The following CFTR variants were observed in gnomAD, a reference collection of about 807,000 sequenced individuals.
CFTR encodes cystic fibrosis transmembrane conductance regulator.
CFTR carries 181 observed loss-of-function variants against 171.6 expected under a neutral mutation model. That is an observed-to-expected ratio of 1.05 (90% confidence interval 0.93 to 1.19). The LOEUF (loss-of-function observed/expected upper bound fraction) is 1.19. Among genes scored for constraint, CFTR ranks in the 50% most tolerant of loss-of-function variants. CFTR has a pLI of 0.00. For missense variants in CFTR, 1,968 were observed against 1,734.7 expected (o/e 1.13, Z -2.39); for synonymous variants, 583 against 608.0 (o/e 0.96, Z 0.60).
intron 21 of CFTR, among the ~76,000 whole-genome samples, chr7:117,619,426 A>G (rs1050365908): frequency 1.3e-5 from 2 of 152,240 alleles, no homozygotes; most frequent in African/African-American, 4.8e-5. Context: ...ATTGTTGGAA[A>G]GAAGCCATTG....
intron 3 of CFTR, among the ~76,000 whole-genome samples, chr7:117,518,044 T>A (rs1273568027): frequency 6.7e-6 from 1 of 150,148 alleles, no homozygotes; most frequent in Non-Finnish European, 1.5e-5. Flanking sequence ...GGATAGAACA[T>A]GTTTTATAGA....
At chr7:117,506,565 T>C (rs749971730) in intron 2 of CFTR, among the ~76,000 whole-genome samples, 1 of 152,122 alleles carries the variant, frequency 6.6e-6, no homozygotes, top group Non-Finnish European at 1.5e-5. Context: ...TAAGTTTTAA[T>C]TGGATGCTGA....
chr7:117,578,341 C>G (rs1318586805), intron 11 of CFTR, among the ~76,000 whole-genome samples: 1 of 152,044 alleles, frequency 6.6e-6, no homozygotes, highest in East Asian at 1.9e-4. Context: ...ATTTCTTTTT[C>G]CCCATGGTTT....
At chr7:117,646,232 T>G (rs569906628) in intron 23 of CFTR, among the ~76,000 whole-genome samples, 2 of 152,170 alleles carry the variant, frequency 1.3e-5, no homozygotes, top group East Asian at 3.8e-4. Context: ...TACAATATGC[T>G]GTGCTGTGGT....
At chr7:117,595,134 T>A in intron 15 of CFTR, 76 bp downstream of exon 15, 1 of 1,173,812 alleles carries the variant, frequency 8.5e-7, no homozygotes, top group Non-Finnish European at 1.2e-6. Context: ...TACATATATA[T>A]GCACACACAT....
chr7:117,573,738 C>T (rs185110200), intron 11 of CFTR, among the ~76,000 whole-genome samples: 223 of 152,178 alleles, frequency 1.5e-3, no homozygotes, highest in Middle Eastern at 3.4e-3. Flanking sequence ...AAAGGTTTTT[C>T]AGGGCCCTTT....
At chr7:117,659,274 C>T (rs1172458954) in intron 24 of CFTR, among the ~76,000 whole-genome samples, 1 of 152,170 alleles carries the variant, frequency 6.6e-6, no homozygotes, top group Non-Finnish European at 1.5e-5. Flanking sequence ...TAACTCCACC[C>T]CTTTCATAGC....
Position 117,611,785 on chromosome 7 carries a change from C to T in CFTR, c.3344C>T (p.Thr1115Ile). ...MIFVIFFIAVTFISILTTGEG... is the reference protein window; with the variant it reads ...MIFVIFFIAVIFISILTTGEG... ...TTTGTCATCTTCTTCATTGCTGTTA[C>T]CTTCATTTCCATTTTAACAACAGGT... Residue 1115 changes from threonine to isoleucine, a missense_variant, in exon 20 of 27, where the codon ACC (threonine) becomes ATC (isoleucine). Thr to Ile is a moderately conservative substitution (Grantham distance 89). Transcript: ENST00000003084. The T allele has an allele frequency of 6.2e-7, 1 of 1,612,022 alleles. No homozygotes were observed. The highest frequency in any genetic ancestry group is 8.5e-7 in the Non-Finnish European group (1 of 1,178,612).
chr7:117,545,655 T>G (rs1799127877), intron 9 of CFTR, among the ~76,000 whole-genome samples: 3 of 152,176 alleles, frequency 2.0e-5, no homozygotes, highest in Admixed American at 2.0e-4. Flanking sequence ...GTAAGTAACA[T>G]TCCTATTAAC....
intron 2 of CFTR, 136 bp from the exon 3 acceptor site, chr7:117,508,898 A>G (rs527303727): frequency 1.0e-5 from 7 of 694,484 alleles, no homozygotes; most frequent in African/African-American, 5.3e-5. Context: ...TATGGTCTCC[A>G]TGAGATTTTG....
intron 11 of CFTR, among the ~76,000 whole-genome samples, chr7:117,580,697 A>G (rs1184365848): frequency 6.6e-6 from 1 of 152,158 alleles, no homozygotes; most frequent in Non-Finnish European, 1.5e-5. Flanking sequence ...AGTCTAGTCT[A>G]GTCCAGACTG....
At chr7:117,524,428 G>A (rs1269743521) in intron 3 of CFTR, among the ~76,000 whole-genome samples, 1 of 150,898 alleles carries the variant, frequency 6.6e-6, no homozygotes, top group African/African-American at 2.4e-5. Context: ...GTAAATTGAT[G>A]GTATTGACAT....
chr7:117,630,996 T>G (rs1232124531), intron 22 of CFTR, among the ~76,000 whole-genome samples: 1 of 152,020 alleles, frequency 6.6e-6, no homozygotes, highest in Admixed American at 6.6e-5. Flanking sequence ...TGTGGATTTT[T>G]TTTCTTTTTT....
At position 117,509,025 on chromosome 7, in the gene CFTR, C is replaced by G. The variant is rs747749819; in HGVS notation, c.165-9C>G. ...CAACTTATTGGTCCCACTTTTTATT[C>G]TTTTGCAGAGAATGGGATAGAGAGC... is the stretch of plus-strand genomic sequence containing the variant. On this transcript the variant is annotated splice_polypyrimidine_tract_variant and intron_variant, in intron 2 of 26. Transcript: ENST00000003084. 8 of 1,558,046 alleles carry G rather than the reference C, an allele frequency of 5.1e-6. No individual in the cohort carries two copies. The South Asian group carries it at 8.9e-5, about 17-fold the overall frequency.
rs777892053 is a variant in CFTR, at chr7:117,664,809, G to C, written c.4085G>C (p.Ser1362Thr). Reference sequence around the variant, plus strand: ...ATGTGCTTGGCTAGATCTGTTCTCAGTAAGGCGAAGATCTTGCTGCTTGAT... The same window carrying C: ...ATGTGCTTGGCTAGATCTGTTCTCACTAAGGCGAAGATCTTGCTGCTTGAT... ...QLMCLARSVL[S>T]KAKILLLDEP... Residue 1362 changes from serine to threonine, a missense_variant, in exon 25 of 27, where the codon AGT (serine) becomes ACT (threonine). Transcript: ENST00000003084. 1 of 1,614,048 alleles carries C rather than the reference G, an allele frequency of 6.2e-7. No individual in the cohort carries two copies. Among genetic ancestry groups the C allele is most frequent in the Non-Finnish European group, 8.5e-7 (1 of 1,179,932 alleles).
chr7:117,620,343 T>C (rs1792555537), intron 21 of CFTR, among the ~76,000 whole-genome samples: 2 of 152,140 alleles, frequency 1.3e-5, no homozygotes, highest in Admixed American at 6.5e-5. Flanking sequence ...TGATGAGAAG[T>C]TTTCTAAGGT....
chr7:117,491,491 G>A (rs536046345), intron 1 of CFTR, among the ~76,000 whole-genome samples: 4 of 152,196 alleles, frequency 2.6e-5, no homozygotes, highest in African/African-American at 9.6e-5. Flanking sequence ...AGAAGTACAA[G>A]ATCAAGGTGT....
intron 11 of CFTR, among the ~76,000 whole-genome samples, chr7:117,560,557 C>T (rs1050585883): frequency 2.0e-5 from 3 of 151,606 alleles, no homozygotes; most frequent in African/African-American, 7.3e-5. Context: ...AAGGGCAAAC[C>T]GTGGATTAGA....
chr7:117,498,555 T>C (rs1247814510), intron 1 of CFTR, among the ~76,000 whole-genome samples: 1 of 152,138 alleles, frequency 6.6e-6, no homozygotes, highest in African/African-American at 2.4e-5. Context: ...CTATGATTCT[T>C]TGAGAAAAAT....
Sources: gnomAD v4.1 joint callset for allele counts (sites outside exome capture counted in the v4.1 genomes callset) on GRCh38, gnomAD v4.1.1 for gene constraint, MANE v1.5 for transcripts, NCBI Gene and HGNC (gene_info 2026-07-23, HGNC 2026-07-21) for gene names.